AFG2A: variants seen among roughly 807,000 people sequenced by gnomAD.
AFG2A encodes the protein ATPase family gene 2 protein homolog A.
At chr4:123,007,666 C>CACACACACACACACATAT in the AFG2A span, among the ~76,000 whole-genome samples, 1 of 126,236 alleles carries the variant, frequency 7.9e-6, no homozygotes, top group African/African-American at 3.0e-5. Flanking sequence ...CACACACACA[C>CACACACACACACACATAT]ATATATGGAC....
the AFG2A span, among the ~76,000 whole-genome samples, chr4:123,219,973 G>A: frequency 3.5e-3 from 529 of 152,040 alleles, 1 homozygote; most frequent in African/African-American, 0.012. Flanking sequence ...TGTTTCAAGC[G>A]ATTCTCCTGC....
chr4:122,983,405 A>T, the AFG2A span, among the ~76,000 whole-genome samples: 1 of 151,584 alleles, frequency 6.6e-6, no homozygotes, highest in Non-Finnish European at 1.5e-5. Flanking sequence ...TAGGTTGTTC[A>T]TTTGAGATAT....
the AFG2A span, among the ~76,000 whole-genome samples, chr4:122,968,846 T>C: frequency 6.6e-6 from 1 of 152,316 alleles, no homozygotes; most frequent in African/African-American, 2.4e-5. Context: ...CAGTATTTCA[T>C]TGTGGTTTTA....
the AFG2A span, among the ~76,000 whole-genome samples, chr4:123,192,658 T>A: frequency 5.3e-5 from 8 of 152,224 alleles, no homozygotes; most frequent in Non-Finnish European, 7.3e-5. Context: ...TGTGGTCCCC[T>A]AGGACCTTTA....
chr4:123,205,771 AT>A, the AFG2A span, among the ~76,000 whole-genome samples: 6 of 152,302 alleles, frequency 3.9e-5, no homozygotes, highest in East Asian at 9.6e-4. Context: ...CTCATAAAGC[AT>A]TTAACAGATA....
the AFG2A span, among the ~76,000 whole-genome samples, chr4:123,086,878 T>C: frequency 2.0e-5 from 3 of 152,308 alleles, no homozygotes; most frequent in South Asian, 4.1e-4. Flanking sequence ...TTTTGATCTC[T>C]AGCATTTCTT....
chr4:123,123,339 G>C, the AFG2A span, among the ~76,000 whole-genome samples: 1 of 152,140 alleles, frequency 6.6e-6, no homozygotes, highest in Non-Finnish European at 1.5e-5. Context: ...TAACTTTAGA[G>C]AGAACTTAGT....
the AFG2A span, among the ~76,000 whole-genome samples, chr4:123,114,150 C>T: frequency 2.0e-5 from 3 of 152,104 alleles, no homozygotes; most frequent in Non-Finnish European, 2.9e-5. Context: ...TGGCTCTGCT[C>T]TGCTCTGGCT....
At chr4:122,962,157 G>A in the AFG2A span, among the ~76,000 whole-genome samples, 12 of 152,186 alleles carry the variant, frequency 7.9e-5, no homozygotes, top group South Asian at 8.3e-4. Flanking sequence ...GATAGGAGGC[G>A]GAGCTCAGGT....
At chr4:123,283,358 A>AAG in the AFG2A span, among the ~76,000 whole-genome samples, 8,947 of 149,046 alleles carry the variant, frequency 0.06, 379 homozygotes, top group Middle Eastern at 0.17. Context: ...GGAAAAAAAA[A>AAG]AGAGAGAGAG....
At chr4:123,288,521 ACTTT>A in the AFG2A span, among the ~76,000 whole-genome samples, 3 of 152,314 alleles carry the variant, frequency 2.0e-5, no homozygotes, top group African/African-American at 7.2e-5. Context: ...ACATGAACAA[ACTTT>A]CTTTCCAGTG....
At chr4:123,165,647 GTCT>G in the AFG2A span, among the ~76,000 whole-genome samples, 5 of 151,946 alleles carry the variant, frequency 3.3e-5, no homozygotes, top group East Asian at 1.9e-4. Flanking sequence ...TACTGGAATG[GTCT>G]TCTTATTTTT....
chr4:122,941,926 G>A, the AFG2A span, among the ~76,000 whole-genome samples: 1 of 151,064 alleles, frequency 6.6e-6, no homozygotes, highest in Admixed American at 6.6e-5. Context: ...TTTATATGCT[G>A]GATTACATTT....
the AFG2A span, among the ~76,000 whole-genome samples, chr4:122,990,865 C>A: frequency 1.3e-5 from 2 of 152,186 alleles, no homozygotes; most frequent in Admixed American, 1.3e-4. Context: ...CTAAAATTGC[C>A]GGCGCAAGCC....
At chr4:123,049,320 T>A in the AFG2A span, among the ~76,000 whole-genome samples, 6 of 152,244 alleles carry the variant, frequency 3.9e-5, no homozygotes, top group South Asian at 2.1e-4. Context: ...TAGTTTTTTT[T>A]ATTTGTTTTG....
chr4:122,934,171 C>G, the AFG2A span: 1 of 1,614,038 alleles, frequency 6.2e-7, no homozygotes, highest in Non-Finnish European at 8.5e-7. Context: ...GCAAGTATTG[C>G]GAGTGAAAGG....
the AFG2A span, among the ~76,000 whole-genome samples, chr4:122,974,432 A>G: frequency 6.6e-5 from 10 of 152,266 alleles, no homozygotes; most frequent in African/African-American, 2.4e-4. Context: ...TATTTTAGGA[A>G]CAGCTTAAAT....
chr4:122,996,582 T>TAGATAGAC, the AFG2A span, among the ~76,000 whole-genome samples: 2 of 149,362 alleles, frequency 1.3e-5, no homozygotes, highest in Non-Finnish European at 3.0e-5. Flanking sequence ...GATAGATAGA[T>TAGATAGAC]AGATAGATAG....
At chr4:122,926,260 G>A in the AFG2A span, among the ~76,000 whole-genome samples, 3 of 152,178 alleles carry the variant, frequency 2.0e-5, no homozygotes, top group African/African-American at 4.8e-5. Flanking sequence ...CACTTGTGTG[G>A]TAATTGTCAA....
Sources: gnomAD v4.1 joint callset for allele counts (sites outside exome capture counted in the v4.1 genomes callset) on GRCh38, gnomAD v4.1.1 for gene constraint, MANE v1.5 for transcripts, NCBI Gene and HGNC (gene_info 2026-07-23, HGNC 2026-07-21) for gene names.